CPEB1: variants seen among roughly 807,000 people sequenced by gnomAD.
CPEB1 encodes the protein cytoplasmic polyadenylation element-binding protein 1.
CPEB1 carries 7 observed loss-of-function variants against 65.8 expected under a neutral mutation model. The ratio of observed to expected loss-of-function variants is 0.11; its 90% CI spans 0.06 to 0.20. The LOEUF (loss-of-function observed/expected upper bound fraction) is 0.20, where lower values mean the gene tolerates loss of function less well. Among genes scored for constraint, CPEB1 ranks in the 10% least tolerant of loss-of-function variants. The pLI is 1.00. For missense variants in CPEB1, 551 were observed against 712.2 expected (o/e 0.77, Z 2.58); for synonymous variants, 262 against 260.0 (o/e 1.01, Z -0.08).
intron 9 of CPEB1, 72 bp from the exon 10 acceptor site, chr15:82,549,730 A>G (rs1376727420): frequency 7.0e-7 from 1 of 1,434,268 alleles, no homozygotes; most frequent in Admixed American, 1.8e-5. Context: ...ACGGCAAGGT[A>G]CGTGCTCTGG....
intron 3 of CPEB1, among the ~76,000 whole-genome samples, chr15:82,616,594 G>T (rs546953685): frequency 6.9e-6 from 1 of 145,606 alleles, no homozygotes; most frequent in African/African-American, 2.6e-5. Flanking sequence ...CCAGACTGGA[G>T]TGCAGTGGCA....
chr15:82,546,881 A>G (rs2035321132), intron 11 of CPEB1, among the ~76,000 whole-genome samples: 1 of 152,180 alleles, frequency 6.6e-6, no homozygotes, highest in Admixed American at 6.5e-5. Context: ...CAGGCTACTG[A>G]GCAATGCCAA....
chr15:82,547,078 TG>T, intron 11 of CPEB1, 64 bp downstream of exon 11: 1 of 1,108,934 alleles, frequency 9.0e-7, no homozygotes, highest in Non-Finnish European at 1.4e-6. Context: ...AGGCCTGCCC[TG>T]GGTAGTAACT....
intron 3 of CPEB1, among the ~76,000 whole-genome samples, chr15:82,603,259 T>TA (rs1036400963): frequency 1.6e-4 from 24 of 152,224 alleles, no homozygotes; most frequent in Non-Finnish European, 2.5e-4. Context: ...CTTGACCTTT[T>TA]ACATGGTTAC....
At chr15:82,600,537 T>C (rs916821718) in intron 3 of CPEB1, among the ~76,000 whole-genome samples, 5 of 152,002 alleles carry the variant, frequency 3.3e-5, no homozygotes, top group African/African-American at 7.2e-5. Context: ...GGTTCAAATA[T>C]ACACACAATT....
intron 3 of CPEB1, chr15:82,571,779 G>C (rs1567191285): frequency 1.6e-6 from 2 of 1,285,026 alleles, no homozygotes; most frequent in Non-Finnish European, 2.0e-6. Context: ...GCCAGCATGT[G>C]ATCAGGCTGC....
chr15:82,621,791 A>G (rs2045326086), intron 3 of CPEB1, among the ~76,000 whole-genome samples: 1 of 152,324 alleles, frequency 6.6e-6, no homozygotes, highest in East Asian at 1.9e-4. Flanking sequence ...TATGTGTATT[A>G]TATTTCAGTT....
intron 4 of CPEB1, chr15:82,562,485 A>C (rs558563133): frequency 2.7e-5 from 5 of 187,422 alleles, no homozygotes; most frequent in South Asian, 1.9e-4. Context: ...TCAAATTCCT[A>C]ATCAATTGCC....
chr15:82,611,457 G>A (rs2044145924), intron 3 of CPEB1, among the ~76,000 whole-genome samples: 1 of 151,964 alleles, frequency 6.6e-6, no homozygotes, highest in Admixed American at 6.6e-5. Context: ...ACTTAATATT[G>A]TTAAGATGGC....
chr15:82,590,288 A>C (rs905907578), intron 3 of CPEB1, among the ~76,000 whole-genome samples: 9 of 151,258 alleles, frequency 6.0e-5, no homozygotes, highest in African/African-American at 2.2e-4. Context: ...AATTCAAGAA[A>C]GTTAACCTTC....
At chr15:82,615,213 T>C (rs1393691098) in intron 3 of CPEB1, among the ~76,000 whole-genome samples, 3 of 152,210 alleles carry the variant, frequency 2.0e-5, no homozygotes, top group African/African-American at 4.8e-5. Context: ...TTCAAAACTG[T>C]ACCCTATCCT....
At chr15:82,571,258 G>A in intron 4 of CPEB1, 86 bp downstream of exon 4, 1 of 1,494,724 alleles carries the variant, frequency 6.7e-7, no homozygotes, top group Non-Finnish European at 9.0e-7. Flanking sequence ...ATGCAAAGGG[G>A]AACAGAACAA....
Position 82,545,367 on chromosome 15 carries a change from A to G in CPEB1, c.1657-665T>C, listed in dbSNP as rs559764736. ...AGTTTAACCATATTCAGAGACTCCA[A>G]ATCTGATCAATGGCATCACTGCAAC... On this transcript the variant is annotated intron_variant, in intron 12 of 12. Coordinates refer to ENST00000684509, the MANE Select transcript of CPEB1 (RefSeq NM_001365242.1). Among the ~76,000 whole-genome samples the G allele has an allele frequency of 2.6e-5, 4 of 152,288 alleles. No homozygotes were observed. In the South Asian group the frequency reaches 8.3e-4, roughly 32 times the overall value.
chr15:82,580,853 T>C (rs2041216398), intron 3 of CPEB1, among the ~76,000 whole-genome samples: 1 of 151,604 alleles, frequency 6.6e-6, no homozygotes, highest in South Asian at 2.1e-4. Flanking sequence ...CAATTTCTTT[T>C]TTTTTTTTCT....
At chr15:82,646,662 C>T (rs587710438) in intron 1 of CPEB1, among the ~76,000 whole-genome samples, 64 of 152,298 alleles carry the variant, frequency 4.2e-4, no homozygotes, top group African/African-American at 1.4e-3. Context: ...TGGCTTTTCT[C>T]GGTCACGGGG....
At chr15:82,615,780 T>C (rs939993144) in intron 3 of CPEB1, among the ~76,000 whole-genome samples, 16 of 152,248 alleles carry the variant, frequency 1.1e-4, no homozygotes, top group African/African-American at 3.8e-4. Flanking sequence ...TTTGAAAAAG[T>C]ACCCAGCAAC....
rs149196844 is a variant in CPEB1 at position 82,558,931 on chromosome 15, A to C, written c.461-945T>G. 3.6e-3 allele frequency among the ~76,000 whole-genome samples: 538 copies of C among 148,764 alleles called. 4 individuals are homozygous for C. The highest frequency in any genetic ancestry group is 0.013 in the African/African-American group (523 of 39,868). The stretch of plus-strand genomic sequence containing the variant: ...ATGGAGCTATGGGTGTGCTAAATCT[A>C]GGAAAGAAGCCTTAATTTGAAGTTT... On this transcript the variant is annotated intron_variant, in intron 4 of 12. Transcript: ENST00000684509.
chr15:82,543,788 C>G lies in CPEB1; in HGVS notation c.*804G>C, dbSNP rs1436739938. Reference sequence around the variant, plus strand: ...CTATATACAGCAGCCGCTCAAACACCGTTTATCCGGTCCAGTTTCAAATAA... The same window carrying G: ...CTATATACAGCAGCCGCTCAAACACGGTTTATCCGGTCCAGTTTCAAATAA... On this transcript the variant is annotated 3_prime_UTR_variant, in exon 13 of 13. Coordinates refer to ENST00000684509, the MANE Select transcript of CPEB1 (RefSeq NM_001365242.1). The G allele has an allele frequency of 6.6e-6, 1 of 152,174 alleles. No individual in the cohort carries two copies. Among genetic ancestry groups the G allele is most frequent in the Admixed American group, 6.5e-5 (1 of 15,270 alleles). 9.4% of individuals were successfully genotyped at this position (152,174 alleles called of 1,614,324 possible).
At chr15:82,626,806 T>C (rs2031292971) in intron 3 of CPEB1, among the ~76,000 whole-genome samples, 1 of 152,250 alleles carries the variant, frequency 6.6e-6, no homozygotes, top group South Asian at 2.1e-4. Context: ...TTAATAGTTT[T>C]CATATTAAAT....
Sources: allele counts gnomAD v4.1 joint callset (sites outside exome capture counted in the v4.1 genomes callset), GRCh38; gene constraint gnomAD v4.1.1; transcripts MANE v1.5; gene names NCBI Gene and HGNC (gene_info 2026-07-23, HGNC 2026-07-21).